Variants in FAF1 observed in about 807,000 individuals in gnomAD.
FAF1 encodes the protein Fas associated factor 1, also known as FAS-associated factor 1.
In FAF1, 25 loss-of-function variants were observed where a neutral mutation model predicts 92.5. That is an observed-to-expected ratio of 0.27 (90% CI 0.20 to 0.38). The LOEUF is 0.38. Ranked by LOEUF, FAF1 falls within the 10% of genes least tolerant of loss-of-function variation. FAF1 has a pLI of 1.00. For missense variants in FAF1, 636 were observed against 793.3 expected, an observed-to-expected ratio of 0.80 and a Z score of 2.38; for synonymous variants, 234 against 273.2, an observed-to-expected ratio of 0.86 and a Z score of 1.42.
chr1:50,690,412 G>A (rs1468803545), intron 7 of FAF1, among the ~76,000 whole-genome samples: 3 of 152,156 alleles, frequency 2.0e-5, no homozygotes, highest in African/African-American at 7.2e-5. Context: ...AGACCAGCCT[G>A]GCCAACATGG....
intron 1 of FAF1, among the ~76,000 whole-genome samples, chr1:50,883,541 G>A (rs1481674438): frequency 6.6e-6 from 1 of 152,158 alleles, no homozygotes; most frequent in Non-Finnish European, 1.5e-5. Context: ...ATGACACCAT[G>A]AAGAAACAAC....
Position 50,909,539 on chromosome 1 carries a change from C to T in FAF1, c.45+50228G>A, listed in dbSNP as rs138707594. On this transcript the variant is annotated intron_variant, in intron 1 of 18. Coordinates refer to ENST00000396153, the MANE Select transcript of FAF1 (RefSeq NM_007051.3). Reference sequence around the variant, plus strand: ...ATCAGATGCAGATTTGGTCTTTTCACATAGTCCCATATTTCTTGGAGGCTT... The same window carrying T: ...ATCAGATGCAGATTTGGTCTTTTCATATAGTCCCATATTTCTTGGAGGCTT... Among the ~76,000 whole-genome samples, 4 of 152,322 alleles carry T rather than the reference C, an allele frequency of 2.6e-5. No individual in the cohort carries two copies. In the East Asian group the frequency reaches 7.7e-4, roughly 29 times the overall value.
chr1:50,746,268 ATATATATATATATATATATATATATTT>A (rs1436923657), intron 4 of FAF1, among the ~76,000 whole-genome samples: 2 of 27,626 alleles, frequency 7.2e-5, no homozygotes, highest in African/African-American at 3.9e-4. Context: ...ATATATATAT[ATATATATATATATATATATATATATTT>A]TTTTTTTTTT....
intron 1 of FAF1, among the ~76,000 whole-genome samples, chr1:50,931,016 T>C (rs1312697159): frequency 6.6e-6 from 1 of 152,176 alleles, no homozygotes. Context: ...TGATATATTG[T>C]TTGTCCATCC....
At chr1:50,812,309 G>A (rs911319191) in intron 2 of FAF1, among the ~76,000 whole-genome samples, 1 of 151,984 alleles carries the variant, frequency 6.6e-6, no homozygotes, top group Non-Finnish European at 1.5e-5. Context: ...TACAGAATGG[G>A]AGAAGATATA....
intron 18 of FAF1, among the ~76,000 whole-genome samples, chr1:50,468,614 C>T (rs1012543912): frequency 1.8e-4 from 28 of 152,186 alleles, no homozygotes; most frequent in African/African-American, 5.5e-4. Context: ...CGCCTGCCAC[C>T]GCGCCTGGCT....
chr1:50,726,804 G>T (rs1358958225), intron 6 of FAF1, among the ~76,000 whole-genome samples: 1 of 152,154 alleles, frequency 6.6e-6, no homozygotes, highest in African/African-American at 2.4e-5. Flanking sequence ...ACTCCAACCT[G>T]GGTGACAGAG....
chr1:50,805,944 A>C (rs1024628152), intron 2 of FAF1, among the ~76,000 whole-genome samples: 29 of 152,322 alleles, frequency 1.9e-4, no homozygotes, highest in African/African-American at 6.3e-4. Flanking sequence ...TTTACAGAGA[A>C]GGACACCAAG....
intron 7 of FAF1, among the ~76,000 whole-genome samples, chr1:50,661,882 G>T (rs1380643224): frequency 6.6e-6 from 1 of 152,094 alleles, no homozygotes; most frequent in African/African-American, 2.4e-5. Flanking sequence ...TAAAAGTATT[G>T]TATACACGTT....
At chr1:50,958,969 C>T (rs1438901758) in intron 1 of FAF1, among the ~76,000 whole-genome samples, 1 of 152,208 alleles carries the variant, frequency 6.6e-6, no homozygotes, top group Non-Finnish European at 1.5e-5. Flanking sequence ...AAGTCTTTCA[C>T]AATGCATACA....
At chr1:50,837,913 T>G (rs1644223159) in intron 2 of FAF1, among the ~76,000 whole-genome samples, 1 of 152,014 alleles carries the variant, frequency 6.6e-6, no homozygotes, top group African/African-American at 2.4e-5. Flanking sequence ...CCAGCTAATT[T>G]TTTGTATTTT....
chr1:50,853,715 A>G (rs1024678486), intron 2 of FAF1, among the ~76,000 whole-genome samples: 2 of 152,126 alleles, frequency 1.3e-5, no homozygotes, highest in African/African-American at 4.8e-5. Context: ...AGATTATTGG[A>G]AATTTTAATT....
intron 18 of FAF1, among the ~76,000 whole-genome samples, chr1:50,457,724 C>A (rs1249507779): frequency 0.015 from 858 of 56,186 alleles, no homozygotes; most frequent in African/African-American, 0.037. Flanking sequence ...CCCATCTCTG[C>A]AAAAAAAAAA....
chr1:50,729,058 A>ATTTT (rs1195852048), intron 6 of FAF1, among the ~76,000 whole-genome samples: 8,400 of 69,936 alleles, frequency 0.12, 1,018 homozygotes, highest in Middle Eastern at 0.19. Flanking sequence ...ATATATATAT[A>ATTTT]TTTTTTTTTT....
intron 1 of FAF1, among the ~76,000 whole-genome samples, chr1:50,863,717 T>A (rs942049938): frequency 6.6e-6 from 1 of 152,048 alleles, no homozygotes; most frequent in African/African-American, 2.4e-5. Flanking sequence ...GCTGGCCTCA[T>A]AAAATGAGTT....
At chr1:50,519,474 G>A (rs1301760999) in intron 15 of FAF1, among the ~76,000 whole-genome samples, 1 of 150,700 alleles carries the variant, frequency 6.6e-6, no homozygotes, top group African/African-American at 2.4e-5. Flanking sequence ...AAGGAAGGAA[G>A]GAAGGAAAGA....
chr1:50,601,921 A>AT (rs1431037294), intron 8 of FAF1, among the ~76,000 whole-genome samples: 10 of 152,244 alleles, frequency 6.6e-5, no homozygotes, highest in African/African-American at 2.2e-4. Context: ...AGAATAAGAC[A>AT]TTTTAAGAGT....
chr1:50,514,466 T>C (rs1212429230), intron 15 of FAF1, among the ~76,000 whole-genome samples: 1 of 152,228 alleles, frequency 6.6e-6, no homozygotes, highest in African/African-American at 2.4e-5. Context: ...TTACTACTTA[T>C]TATATCAAAG....
At chr1:50,669,375 T>TA (rs1403360548) in intron 7 of FAF1, among the ~76,000 whole-genome samples, 1 of 152,016 alleles carries the variant, frequency 6.6e-6, no homozygotes, top group Non-Finnish European at 1.5e-5. Context: ...CTGTACATGG[T>TA]AAAAAAGGCA....
Sources: allele counts gnomAD v4.1 joint callset (sites outside exome capture counted in the v4.1 genomes callset), GRCh38; gene constraint gnomAD v4.1.1; transcripts MANE v1.5; gene names NCBI Gene and HGNC (gene_info 2026-07-23, HGNC 2026-07-21).